POFUT3: variants seen among roughly 807,000 people sequenced by gnomAD.
The protein encoded by POFUT3 is GDP-fucose protein O-fucosyltransferase 3.
At chr8:33,354,524 G>C in the POFUT3 span, among the ~76,000 whole-genome samples, 1 of 152,136 alleles carries the variant, frequency 6.6e-6, no homozygotes, top group Non-Finnish European at 1.5e-5. Context: ...GCTCTTCTTG[G>C]CCTTTTTGTT....
chr8:33,401,423 C>T, the POFUT3 span, among the ~76,000 whole-genome samples: 41,016 of 152,048 alleles, frequency 0.27, 5,832 homozygotes, highest in East Asian at 0.47. Context: ...ACACCACTGC[C>T]GCTGCCCAGC....
chr8:33,446,136 AG>A, the POFUT3 span, among the ~76,000 whole-genome samples: 2 of 152,156 alleles, frequency 1.3e-5, no homozygotes, highest in East Asian at 3.9e-4. Context: ...CCAGTGGGGA[AG>A]GGGTCTGAGC....
the POFUT3 span, among the ~76,000 whole-genome samples, chr8:33,462,742 C>G: frequency 6.6e-6 from 1 of 151,966 alleles, no homozygotes; most frequent in Non-Finnish European, 1.5e-5. Context: ...CCAGCCTGGG[C>G]AACATAGTGA....
At chr8:33,403,021 C>T in the POFUT3 span, among the ~76,000 whole-genome samples, 1 of 151,768 alleles carries the variant, frequency 6.6e-6, no homozygotes, top group Non-Finnish European at 1.5e-5. Flanking sequence ...AGATCGCACC[C>T]CTGCACTCCA....
the POFUT3 span, among the ~76,000 whole-genome samples, chr8:33,380,090 T>C: frequency 1.4e-5 from 1 of 72,720 alleles, no homozygotes; most frequent in African/African-American, 6.5e-5. Flanking sequence ...ATATATACTA[T>C]ATATATACAC....
chr8:33,389,396 G>C, the POFUT3 span: 2 of 1,614,196 alleles, frequency 1.2e-6, no homozygotes, highest in Non-Finnish European at 1.7e-6. Flanking sequence ...ATCCATAGAG[G>C]CTGGATTTTT....
the POFUT3 span, among the ~76,000 whole-genome samples, chr8:33,327,862 G>A: frequency 6.6e-6 from 1 of 152,176 alleles, no homozygotes; most frequent in Non-Finnish European, 1.5e-5. Context: ...CAGCGTGACA[G>A]ATTTGTTGGT....
chr8:33,435,476 A>G, the POFUT3 span, among the ~76,000 whole-genome samples: 1 of 150,526 alleles, frequency 6.6e-6, no homozygotes, highest in Non-Finnish European at 1.5e-5. Flanking sequence ...TCGGCCTCCC[A>G]AAGGGCTGAG....
At chr8:33,377,414 C>G in the POFUT3 span, 5 of 152,156 alleles carry the variant, frequency 3.3e-5, no homozygotes, top group Non-Finnish European at 7.3e-5. Flanking sequence ...TCATGATACT[C>G]GAGTCACCAG....
chr8:33,356,868 C>G, the POFUT3 span, among the ~76,000 whole-genome samples: 1 of 152,118 alleles, frequency 6.6e-6, no homozygotes, highest in African/African-American at 2.4e-5. Context: ...AGGAAGGGAT[C>G]CAGTTTCAGC....
At chr8:33,351,975 C>G in the POFUT3 span, among the ~76,000 whole-genome samples, 1 of 152,138 alleles carries the variant, frequency 6.6e-6, no homozygotes, top group African/African-American at 2.4e-5. Flanking sequence ...CACATTGAGA[C>G]AAAATCTTTT....
the POFUT3 span, among the ~76,000 whole-genome samples, chr8:33,383,946 G>GAA: frequency 2.9e-5 from 4 of 136,734 alleles, no homozygotes; most frequent in Middle Eastern, 3.8e-3. Context: ...TCTGACCCCT[G>GAA]AAAAAAAAAA....
the POFUT3 span, among the ~76,000 whole-genome samples, chr8:33,417,561 G>A: frequency 2.0e-5 from 3 of 151,954 alleles, no homozygotes; most frequent in Admixed American, 6.6e-5. Flanking sequence ...GGACTCCATC[G>A]TAAAGCAGCA....
chr8:33,343,444 T>C, the POFUT3 span, among the ~76,000 whole-genome samples: 3 of 152,250 alleles, frequency 2.0e-5, no homozygotes, highest in Non-Finnish European at 4.4e-5. Context: ...AGAAATGCGA[T>C]AGACAAGCTT....
the POFUT3 span, among the ~76,000 whole-genome samples, chr8:33,396,370 G>A: frequency 6.6e-6 from 1 of 152,078 alleles, no homozygotes; most frequent in Non-Finnish European, 1.5e-5. Context: ...AGAATAATTT[G>A]TTTTCCTATC....
At chr8:33,437,389 T>TA in the POFUT3 span, among the ~76,000 whole-genome samples, 3,186 of 141,642 alleles carry the variant, frequency 0.022, 59 homozygotes, top group East Asian at 0.079. Context: ...AATAACAAAT[T>TA]AAAAAAAAAA....
At chr8:33,398,309 C>T in the POFUT3 span, among the ~76,000 whole-genome samples, 4 of 152,094 alleles carry the variant, frequency 2.6e-5, no homozygotes, top group Non-Finnish European at 5.9e-5. Flanking sequence ...CGTTCAGATT[C>T]AAAAATTATT....
the POFUT3 span, among the ~76,000 whole-genome samples, chr8:33,414,705 G>A: frequency 6.6e-6 from 1 of 152,014 alleles, no homozygotes; most frequent in African/African-American, 2.4e-5. Context: ...GTGGTTATTA[G>A]CTCAAATTTA....
chr8:33,383,955 A>AT, the POFUT3 span, among the ~76,000 whole-genome samples: 1 of 152,048 alleles, frequency 6.6e-6, no homozygotes, highest in Non-Finnish European at 1.5e-5. Flanking sequence ...TGAAAAAAAA[A>AT]AAAACAGATA....
Sources: gnomAD v4.1 joint callset for allele counts (sites outside exome capture counted in the v4.1 genomes callset) on GRCh38, gnomAD v4.1.1 for gene constraint, MANE v1.5 for transcripts, NCBI Gene and HGNC (gene_info 2026-07-23, HGNC 2026-07-21) for gene names.